ZAP70: variants seen among roughly 807,000 people sequenced by gnomAD.
ZAP70 encodes zeta chain of T cell receptor associated protein kinase 70.
ZAP70 carries 27 observed loss-of-function variants against 65.8 expected under a neutral mutation model. The observed-to-expected ratio is 0.41, with a 90% CI of 0.30 to 0.57. ZAP70 has a LOEUF of 0.57. Among genes scored for constraint, ZAP70 ranks in the 20% least tolerant of loss-of-function variants. The pLI, the probability that ZAP70 is intolerant of heterozygous loss-of-function variation, is 0.28. For missense variants in ZAP70, 696 were observed against 870.5 expected, an observed-to-expected ratio of 0.80 and a Z score of 2.52; for synonymous variants, 363 against 360.8, an observed-to-expected ratio of 1.01 and a Z score of -0.07.
chr2:97,717,884 A>AC (rs1677001211), intron 2 of ZAP70, among the ~76,000 whole-genome samples: 1 of 152,046 alleles, frequency 6.6e-6, no homozygotes, highest in Non-Finnish European at 1.5e-5. Context: ...GGTCCTTCTG[A>AC]CCAGGCTCCA....
At chr2:97,746,917 T>C in the ZAP70 span, among the ~76,000 whole-genome samples, 2 of 152,160 alleles carry the variant, frequency 1.3e-5, no homozygotes, top group Admixed American at 6.5e-5. Context: ...ACAAAGGATT[T>C]GAACAAACAT....
At chr2:97,739,008 T>C (rs963340644) in intron 13 of ZAP70, among the ~76,000 whole-genome samples, 7 of 152,106 alleles carry the variant, frequency 4.6e-5, no homozygotes, top group Admixed American at 3.9e-4. Flanking sequence ...AGCACACTGA[T>C]ACCCTGGCCC....
chr2:97,751,676 A>G, the ZAP70 span, among the ~76,000 whole-genome samples: 77 of 152,302 alleles, frequency 5.1e-4, no homozygotes, highest in African/African-American at 1.7e-3. Context: ...TAATGTGTGA[A>G]GAGGTTTATT....
At chr2:97,741,876 C>G (rs542434530), downstream of ZAP70, among the ~76,000 whole-genome samples, 1 of 152,260 alleles carries the variant, frequency 6.6e-6, no homozygotes, top group Non-Finnish European at 1.5e-5. Context: ...GTGATAACCA[C>G]TGGCATGGTG....
chr2:97,730,476 C>A (rs1216607867), intron 4 of ZAP70, among the ~76,000 whole-genome samples: 1 of 152,176 alleles, frequency 6.6e-6, no homozygotes, highest in Non-Finnish European at 1.5e-5. Flanking sequence ...CCTTCTCTAG[C>A]AGGCTAGCTT....
chr2:97,735,203 G>A, intron 9 of ZAP70, 47 bp from the exon 10 acceptor site: 3 of 1,609,986 alleles, frequency 1.9e-6, no homozygotes, highest in Non-Finnish European at 2.5e-6. Flanking sequence ...GGGCCGAGCA[G>A]GGCCGGTGCC....
downstream of ZAP70, among the ~76,000 whole-genome samples, chr2:97,741,197 C>G (rs1431324825): frequency 6.6e-6 from 1 of 152,184 alleles, no homozygotes; most frequent in East Asian, 1.9e-4. Flanking sequence ...GCCATTATTT[C>G]AGTCATGCAA....
intron 2 of ZAP70, among the ~76,000 whole-genome samples, chr2:97,714,873 G>T (rs545150093): frequency 4.6e-4 from 70 of 152,266 alleles, no homozygotes; most frequent in African/African-American, 1.7e-3. Context: ...GCAGTGTTGC[G>T]GGGGTGGTGT....
intron 4 of ZAP70, among the ~76,000 whole-genome samples, chr2:97,730,688 CTG>C (rs1491332998): frequency 6.6e-5 from 10 of 152,234 alleles, no homozygotes; most frequent in Admixed American, 5.9e-4. Flanking sequence ...AATATTGTGG[CTG>C]TTTTCCCCCA....
intron 2 of ZAP70, among the ~76,000 whole-genome samples, chr2:97,718,428 G>T (rs1238562290): frequency 6.6e-6 from 1 of 152,154 alleles, no homozygotes; most frequent in Non-Finnish European, 1.5e-5. Context: ...CTCTGGCCAT[G>T]GGGTCCCTGG....
chr2:97,742,709 T>C (rs1330139913), downstream of ZAP70, among the ~76,000 whole-genome samples: 1 of 152,242 alleles, frequency 6.6e-6, no homozygotes, highest in African/African-American at 2.4e-5. Context: ...GCAATTCTGA[T>C]GTGCTGGGTG....
In ZAP70 at chr2:97,737,335, C is replaced by T. The variant is rs961453794; in HGVS notation, c.1290-138C>T. The T allele has an allele frequency of 1.6e-5, 14 of 855,034 alleles. No individual in the cohort carries two copies. The highest frequency in any genetic ancestry group is 2.3e-5 in the Non-Finnish European group (12 of 523,784). The allele number at this position is 855,034 out of a possible 1,614,324, so 53.0% of individuals were successfully genotyped here. On this transcript the variant is annotated intron_variant, in intron 10 of 13. Transcript: ENST00000264972. The surrounding 1 kb of genome is among the most constrained non-coding windows in gnomAD (Gnocchi z 5.0). ...GCTGTGTCCCCAGCCCCACGCCTGGCACACAGCAGGTGCTCAATAAGCGTT... is the reference window on the plus strand; with the variant it reads ...GCTGTGTCCCCAGCCCCACGCCTGGTACACAGCAGGTGCTCAATAAGCGTT...
At chr2:97,722,458 C>G (rs541933446) in intron 2 of ZAP70, among the ~76,000 whole-genome samples, 2 of 152,316 alleles carry the variant, frequency 1.3e-5, no homozygotes, top group South Asian at 4.1e-4. Context: ...TGCTGAAATG[C>G]TATCTAGCAT....
downstream of ZAP70, among the ~76,000 whole-genome samples, chr2:97,743,423 C>T (rs976926735): frequency 5.3e-5 from 8 of 152,208 alleles, no homozygotes; most frequent in Admixed American, 2.6e-4. Flanking sequence ...GCAATCTCCA[C>T]GTTCCGGGTT....
At chr2:97,725,373 C>A in intron 4 of ZAP70, 121 bp downstream of exon 4, 1 of 1,253,672 alleles carries the variant, frequency 8.0e-7, no homozygotes, top group Non-Finnish European at 1.1e-6. Flanking sequence ...CTCACATGTG[C>A]AAGTGGGTTG....
chr2:97,746,785 AGAG>A, the ZAP70 span, among the ~76,000 whole-genome samples: 6 of 152,372 alleles, frequency 3.9e-5, no homozygotes, highest in East Asian at 1.2e-3. Context: ...GAAATTGAAA[AGAG>A]AACTCACAGA....
intron 3 of ZAP70, chr2:97,724,707 G>A (rs1330356955): frequency 1.1e-5 from 17 of 1,516,506 alleles, no homozygotes; most frequent in Non-Finnish European, 1.5e-5. Context: ...ACTGGGCCGG[G>A]CGAAGGCGAG....
intron 2 of ZAP70, among the ~76,000 whole-genome samples, chr2:97,722,936 T>C (rs1470336819): frequency 6.6e-6 from 1 of 152,236 alleles, no homozygotes; most frequent in Non-Finnish European, 1.5e-5. Context: ...GTTTCTTTTT[T>C]AATTGAGGGA....
At chr2:97,754,622 A>G in the ZAP70 span, among the ~76,000 whole-genome samples, 2 of 152,128 alleles carry the variant, frequency 1.3e-5, no homozygotes, top group African/African-American at 4.8e-5. Context: ...AGGGTAGTCT[A>G]GAACACCTGA....
Sources: gnomAD v4.1 joint callset for allele counts (sites outside exome capture counted in the v4.1 genomes callset) on GRCh38, gnomAD v4.1.1 for gene constraint, Gnocchi (gnomAD v3.1) non-coding constraint, MANE v1.5 for transcripts, NCBI Gene and HGNC (gene_info 2026-07-23, HGNC 2026-07-21) for gene names.